Variants in CADM2 observed in about 807,000 individuals in gnomAD.
CADM2 encodes cell adhesion molecule 2, also known as immunoglobulin superfamily member 4D.
A neutral mutation model predicts 49.8 loss-of-function variants in CADM2; 12 were observed. The observed-to-expected ratio is 0.24, with a 90% CI of 0.15 to 0.39. CADM2 has a LOEUF of 0.39. Among genes scored for constraint, CADM2 ranks in the 10% least tolerant of loss-of-function variants. CADM2 has a pLI of 1.00. For missense variants in CADM2, 378 were observed against 492.3 expected (o/e 0.77, Z 2.20); for synonymous variants, 214 against 175.4 (o/e 1.22, Z -1.74).
At chr3:85,137,683 CG>C (rs754263307) in intron 1 of CADM2, among the ~76,000 whole-genome samples, 8 of 151,836 alleles carry the variant, frequency 5.3e-5, no homozygotes, top group Admixed American at 1.3e-4. Context: ...TTTAGGAAGC[CG>C]TGTTTAAATG....
At chr3:85,040,059 T>C (rs975416237) in intron 1 of CADM2, among the ~76,000 whole-genome samples, 7 of 152,192 alleles carry the variant, frequency 4.6e-5, no homozygotes, top group Non-Finnish European at 1.0e-4. Context: ...GAATGAGAAA[T>C]ATAAGCACAC....
At chr3:85,838,787 G>A (rs1232770560) in intron 3 of CADM2, among the ~76,000 whole-genome samples, 2 of 151,490 alleles carry the variant, frequency 1.3e-5, no homozygotes, top group African/African-American at 2.4e-5. Context: ...TATTTACCCA[G>A]TTACAATAAT....
intron 1 of CADM2, among the ~76,000 whole-genome samples, chr3:85,294,884 G>C (rs2106954281): frequency 6.6e-6 from 1 of 152,212 alleles, no homozygotes; most frequent in East Asian, 1.9e-4. Context: ...GCATGGGCAA[G>C]GACTTCATGA....
chr3:85,353,919 A>G (rs1448102481), intron 1 of CADM2, among the ~76,000 whole-genome samples: 1 of 152,042 alleles, frequency 6.6e-6, no homozygotes, highest in African/African-American at 2.4e-5. Context: ...AATAAATGTT[A>G]GGTCATTATT....
At chr3:85,668,295 C>CAAAAAA (rs11447925) in intron 1 of CADM2, among the ~76,000 whole-genome samples, 132 of 81,312 alleles carry the variant, frequency 1.6e-3, no homozygotes, top group African/African-American at 1.8e-3. Context: ...AGTACCAAAG[C>CAAAAAA]AAAAAAAAAA....
intron 2 of CADM2, among the ~76,000 whole-genome samples, chr3:85,764,084 C>T (rs576459007): frequency 2.6e-5 from 4 of 152,082 alleles, no homozygotes; most frequent in African/African-American, 7.2e-5. Flanking sequence ...TATGTACTAT[C>T]GTAGTGTTAG....
chr3:85,427,843 A>G (rs1484755677), intron 1 of CADM2, among the ~76,000 whole-genome samples: 1 of 152,102 alleles, frequency 6.6e-6, no homozygotes, highest in Non-Finnish European at 1.5e-5. Flanking sequence ...TTCTAACATT[A>G]AGGGAATAAT....
In CADM2 at chr3:85,234,127, T is replaced by G. The variant is rs372266591; in HGVS notation, c.61+274459T>G. ...ACAGAAATTAGTAAATTTCCCAAGG[T>G]TCCATAGATGGTAAATTGTGAAGCA... On this transcript the variant is annotated intron_variant, in intron 1 of 9. Transcript: ENST00000383699. Among the ~76,000 whole-genome samples the G allele has an allele frequency of 1.3e-4, 20 of 152,202 alleles. No individual in the cohort carries two copies. In the East Asian group the frequency reaches 3.7e-3, roughly 28 times the overall value.
At chr3:85,737,758 CTG>C (rs1383048427) in intron 2 of CADM2, among the ~76,000 whole-genome samples, 1 of 151,948 alleles carries the variant, frequency 6.6e-6, no homozygotes, top group Non-Finnish European at 1.5e-5. Context: ...CGGGGTTTCA[CTG>C]TGTTAGCTAG....
At chr3:85,468,171 A>C (rs2038598925) in intron 1 of CADM2, among the ~76,000 whole-genome samples, 1 of 151,498 alleles carries the variant, frequency 6.6e-6, no homozygotes, top group South Asian at 2.1e-4. Flanking sequence ...AAAAAAAAAA[A>C]AAAAAAAAAA....
At chr3:85,967,962 C>G (rs1698290638) in intron 8 of CADM2, among the ~76,000 whole-genome samples, 1 of 151,528 alleles carries the variant, frequency 6.6e-6, no homozygotes, top group Non-Finnish European at 1.5e-5. Context: ...TAAGTTAATT[C>G]TGTGTACTCG....
chr3:86,032,953 A>T (rs182959379), intron 8 of CADM2, among the ~76,000 whole-genome samples: 10 of 151,902 alleles, frequency 6.6e-5, no homozygotes, highest in Non-Finnish European at 1.5e-4. Context: ...TTTCCTTTGT[A>T]TTTTAAGATC....
At chr3:85,837,638 G>C (rs2108253239) in intron 3 of CADM2, among the ~76,000 whole-genome samples, 1 of 151,740 alleles carries the variant, frequency 6.6e-6, no homozygotes. Context: ...ATACACATGA[G>C]AATTTTGGGC....
chr3:85,580,178 T>C (rs2062755162), intron 1 of CADM2, among the ~76,000 whole-genome samples: 1 of 152,178 alleles, frequency 6.6e-6, no homozygotes, highest in Non-Finnish European at 1.5e-5. Context: ...TATTGACCCA[T>C]TTAATCATTT....
At chr3:85,032,677 A>G (rs1272489182) in intron 1 of CADM2, among the ~76,000 whole-genome samples, 3 of 152,130 alleles carry the variant, frequency 2.0e-5, no homozygotes, top group Non-Finnish European at 4.4e-5. Context: ...ATTGTGCTAG[A>G]GTAGGTTTTG....
intron 8 of CADM2, among the ~76,000 whole-genome samples, chr3:85,998,749 G>A (rs1474439531): frequency 6.6e-6 from 1 of 152,044 alleles, no homozygotes; most frequent in Admixed American, 6.6e-5. Context: ...ATGGAAGATT[G>A]AGAAAGAAAG....
chr3:85,554,876 ATTTTT>A (rs1559906845), intron 1 of CADM2, among the ~76,000 whole-genome samples: 48 of 92,814 alleles, frequency 5.2e-4, no homozygotes, highest in Admixed American at 1.4e-3. Flanking sequence ...TATTTTTTTT[ATTTTT>A]ATTTTTTTTT....
Position 85,400,530 on chromosome 3 carries a change from G to A in CADM2, c.62-325992G>A, listed in dbSNP as rs185017505. Among the ~76,000 whole-genome samples the A allele has an allele frequency of 5.5e-3, 844 of 152,248 alleles. 8 individuals carry two copies. Among genetic ancestry groups the A allele is most frequent in the African/African-American group, 0.019 (801 of 41,556 alleles). ...AGTAGTTTCAGAAGGAATGGTACCA[G>A]CTCCTCTTTTTACCTCTGGTAGAAT... On this transcript the variant is annotated intron_variant, in intron 1 of 9. Coordinates refer to ENST00000383699, the MANE Select transcript of CADM2 (RefSeq NM_001167675.2).
intron 1 of CADM2, among the ~76,000 whole-genome samples, chr3:85,239,600 G>A (rs976980034): frequency 6.6e-6 from 1 of 151,474 alleles, no homozygotes; most frequent in African/African-American, 2.4e-5. Flanking sequence ...GATATTAAGA[G>A]AAAATGCATG....
Sources: allele counts gnomAD v4.1 joint callset (sites outside exome capture counted in the v4.1 genomes callset), GRCh38; gene constraint gnomAD v4.1.1; transcripts MANE v1.5; gene names NCBI Gene and HGNC (gene_info 2026-07-23, HGNC 2026-07-21).